The following RBFOX2 variants were observed in gnomAD, a reference collection of about 807,000 sequenced individuals.
The protein encoded by RBFOX2 is RNA binding protein fox-1 homolog 2.
A neutral mutation model predicts 49.1 loss-of-function variants in RBFOX2; 10 were observed. The observed-to-expected ratio is 0.20, with a 90% CI of 0.13 to 0.35. The LOEUF is 0.35. Among genes scored for constraint, RBFOX2 ranks in the 10% least tolerant of loss-of-function variants. RBFOX2 has a pLI of 1.00. For synonymous variants in RBFOX2, 183 were observed against 187.4 expected (o/e 0.98, Z 0.19); for missense variants, 323 against 486.9 (o/e 0.66, Z 3.17).
intron 1 of RBFOX2, among the ~76,000 whole-genome samples, chr22:35,816,266 T>C (rs1820001586): frequency 6.6e-6 from 1 of 152,156 alleles, no homozygotes; most frequent in South Asian, 2.1e-4. Flanking sequence ...TTTTGTTTTG[T>C]TTTGTTTTGT....
intron 1 of RBFOX2, chr22:35,999,438 TC>T (rs1246807364): frequency 6.6e-6 from 1 of 151,188 alleles, no homozygotes. Context: ...ATACCTGTTG[TC>T]ATAGCTACTC....
upstream of RBFOX2, among the ~76,000 whole-genome samples, chr22:35,843,622 C>T (rs2040795775): frequency 1.3e-5 from 2 of 152,128 alleles, no homozygotes; most frequent in Admixed American, 1.3e-4. Flanking sequence ...GAAACTCTCA[C>T]TCTTAACTTA....
At chr22:35,826,990 A>T (rs1365242198) in intron 1 of RBFOX2, among the ~76,000 whole-genome samples, 2 of 152,224 alleles carry the variant, frequency 1.3e-5, no homozygotes, top group Non-Finnish European at 2.9e-5. Flanking sequence ...TACTTTACTT[A>T]GATAAGCTTT....
At chr22:35,929,510 C>CA (rs202091574) in intron 1 of RBFOX2, among the ~76,000 whole-genome samples, 190 of 148,458 alleles carry the variant, frequency 1.3e-3, no homozygotes, top group Middle Eastern at 3.4e-3. Flanking sequence ...TATTATTTAG[C>CA]AAAAAAAAAT....
At chr22:35,784,291 C>A (rs568334396) in intron 2 of RBFOX2, among the ~76,000 whole-genome samples, 9 of 152,262 alleles carry the variant, frequency 5.9e-5, no homozygotes, top group African/African-American at 1.7e-4. Flanking sequence ...CAAAAATGAT[C>A]TCATTAGGCC....
exon 12 of RBFOX2, chr22:35,743,086 C>A (rs1469545270): frequency 6.6e-6 from 1 of 152,576 alleles, no homozygotes; most frequent in Non-Finnish European, 1.5e-5. Flanking sequence ...TGACCTAGGA[C>A]CTGGTACTCT....
exon 12 of RBFOX2, chr22:35,742,922 G>A (rs1000273399): frequency 6.5e-6 from 1 of 152,956 alleles, no homozygotes; most frequent in African/African-American, 2.4e-5. Flanking sequence ...AGGACAGTGA[G>A]AAGCTCAGCG....
chr22:35,872,910 G>A (rs1466635278), intron 1 of RBFOX2, among the ~76,000 whole-genome samples: 2 of 152,088 alleles, frequency 1.3e-5, no homozygotes, highest in Non-Finnish European at 2.9e-5. Flanking sequence ...CATAGGAGTG[G>A]AGCCCTAGCC....
At chr22:35,851,645 G>A (rs1204794554) in intron 1 of RBFOX2, among the ~76,000 whole-genome samples, 1 of 151,870 alleles carries the variant, frequency 6.6e-6, no homozygotes, top group Non-Finnish European at 1.5e-5. Flanking sequence ...TGGCTAACAT[G>A]GCAAAACCCT....
chr22:35,936,489 C>T (rs1456504737), intron 1 of RBFOX2, among the ~76,000 whole-genome samples: 1 of 152,190 alleles, frequency 6.6e-6, no homozygotes, highest in Admixed American at 6.5e-5. Context: ...CATTTGGATT[C>T]TGTATTCATC....
chr22:35,825,164 G>C (rs958968579), intron 1 of RBFOX2, among the ~76,000 whole-genome samples: 1 of 152,212 alleles, frequency 6.6e-6, no homozygotes, highest in Non-Finnish European at 1.5e-5. Flanking sequence ...AGGTTGCAGT[G>C]AGCCATGATG....
At chr22:35,796,150 G>C (rs911277915) in intron 2 of RBFOX2, among the ~76,000 whole-genome samples, 1 of 152,030 alleles carries the variant, frequency 6.6e-6, no homozygotes, top group Admixed American at 6.6e-5. Context: ...ACAAAGAAAA[G>C]AATCTTCTAT....
intron 1 of RBFOX2, among the ~76,000 whole-genome samples, chr22:35,861,292 A>C (rs1466982856): frequency 2.6e-5 from 4 of 152,224 alleles, no homozygotes; most frequent in African/African-American, 4.8e-5. Flanking sequence ...AATCCATAAA[A>C]GAACAATAAA....
chr22:36,023,681 C>A (rs964098089), intron 1 of RBFOX2, among the ~76,000 whole-genome samples: 19 of 152,142 alleles, frequency 1.2e-4, no homozygotes, highest in African/African-American at 4.1e-4. Flanking sequence ...TTTCCAAGTA[C>A]TCTCTTTAAC....
intron 1 of RBFOX2, among the ~76,000 whole-genome samples, chr22:35,935,610 A>G (rs1199413674): frequency 6.6e-6 from 1 of 152,200 alleles, no homozygotes; most frequent in Non-Finnish European, 1.5e-5. Flanking sequence ...TTTAATCAGG[A>G]GTCACAGACT....
intron 2 of RBFOX2, among the ~76,000 whole-genome samples, chr22:35,804,842 A>G (rs1950417004): frequency 6.6e-6 from 1 of 152,202 alleles, no homozygotes. Context: ...AATAGTCAAA[A>G]AATAAAATAA....
intron 1 of RBFOX2, among the ~76,000 whole-genome samples, chr22:35,953,983 A>C (rs1051785503): frequency 4.6e-5 from 7 of 152,208 alleles, no homozygotes; most frequent in Non-Finnish European, 2.9e-5. Context: ...TAAACGCTTA[A>C]TAGGTTAGCC....
intron 2 of RBFOX2, among the ~76,000 whole-genome samples, chr22:35,794,322 A>G (rs906942188): frequency 1.3e-4 from 20 of 152,100 alleles, no homozygotes; most frequent in African/African-American, 4.8e-4. Flanking sequence ...TGCTCAAATC[A>G]CTTAACACCA....
chr22:35,839,541 T>G (rs888805083), intron 1 of RBFOX2, among the ~76,000 whole-genome samples: 7 of 152,200 alleles, frequency 4.6e-5, no homozygotes, highest in African/African-American at 1.7e-4. Flanking sequence ...CCTTCAAATG[T>G]ATTTTAAAGC....
Sources: allele counts gnomAD v4.1 joint callset (sites outside exome capture counted in the v4.1 genomes callset), GRCh38; gene constraint gnomAD v4.1.1; transcripts MANE v1.5; gene names NCBI Gene and HGNC (gene_info 2026-07-23, HGNC 2026-07-21).